Variants in PLCB1 observed in about 807,000 individuals in gnomAD.
PLCB1 encodes the protein 1-phosphatidylinositol 4,5-bisphosphate phosphodiesterase beta-1.
PLCB1 carries 46 observed loss-of-function variants against 161.8 expected under a neutral mutation model. That is an observed-to-expected ratio of 0.28 (90% CI 0.22 to 0.36). PLCB1 has a LOEUF of 0.36. PLCB1 is among the 10% of genes least tolerant of loss of function. The pLI, the probability that PLCB1 is intolerant of heterozygous loss-of-function variation, is 1.00. For synonymous variants in PLCB1, 517 were observed against 503.7 expected, an observed-to-expected ratio of 1.03 and a Z score of -0.35; for missense variants, 1,016 against 1,472.5, an observed-to-expected ratio of 0.69 and a Z score of 5.07.
At chr20:8,505,018 C>T (rs750219603) in intron 3 of PLCB1, among the ~76,000 whole-genome samples, 6 of 152,046 alleles carry the variant, frequency 3.9e-5, no homozygotes, top group Non-Finnish European at 5.9e-5. Context: ...ATCACCAAGC[C>T]GGGCTACTTA....
At chr20:8,667,589 T>A (rs549179651) in intron 9 of PLCB1, among the ~76,000 whole-genome samples, 3 of 152,182 alleles carry the variant, frequency 2.0e-5, no homozygotes, top group Non-Finnish European at 4.4e-5. Flanking sequence ...TTCAGTGACC[T>A]CAGTGTCTGC....
intron 3 of PLCB1, among the ~76,000 whole-genome samples, chr20:8,534,443 A>G (rs757620803): frequency 6.6e-6 from 1 of 152,230 alleles, no homozygotes; most frequent in Non-Finnish European, 1.5e-5. Flanking sequence ...CTCATGGTTT[A>G]GAGCATTGGC....
chr20:8,136,948 A>T (rs1001101884), intron 1 of PLCB1, among the ~76,000 whole-genome samples: 4 of 152,188 alleles, frequency 2.6e-5, no homozygotes, highest in African/African-American at 9.7e-5. Flanking sequence ...ATTTATGTAT[A>T]TATGTGTATA....
chr20:8,776,336 T>C (rs1193050751), intron 27 of PLCB1, among the ~76,000 whole-genome samples: 1 of 152,212 alleles, frequency 6.6e-6, no homozygotes, highest in East Asian at 1.9e-4. Context: ...GATTTGAACC[T>C]TGGTCCTCGG....
intron 23 of PLCB1, among the ~76,000 whole-genome samples, chr20:8,743,529 G>A (rs1037846607): frequency 3.9e-5 from 6 of 152,010 alleles, no homozygotes; most frequent in African/African-American, 9.7e-5. Context: ...GCCACATTTC[G>A]ACTTATCTTC....
chr20:8,648,014 C>A, intron 6 of PLCB1, 61 bp downstream of exon 6: 3 of 1,227,304 alleles, frequency 2.4e-6, no homozygotes, highest in Non-Finnish European at 2.3e-6. Context: ...TGAATCCATG[C>A]CATGGCTCTG....
chr20:8,675,888 A>T (rs949998946), intron 9 of PLCB1, among the ~76,000 whole-genome samples: 1 of 152,248 alleles, frequency 6.6e-6, no homozygotes, highest in Admixed American at 6.5e-5. Context: ...AAAAACCTTA[A>T]AAGTCTCAGA....
At chr20:8,342,890 AGTATTATTCAGCTACAGTAGATGC>A (rs1379045741) in intron 2 of PLCB1, among the ~76,000 whole-genome samples, 1 of 152,210 alleles carries the variant, frequency 6.6e-6, no homozygotes, top group Non-Finnish European at 1.5e-5. Flanking sequence ...CAGAATGAAA[AGTATTATTCAGCTACAGTAGATGC>A]TGGGGGCCCT....
intron 3 of PLCB1, among the ~76,000 whole-genome samples, chr20:8,618,425 G>A (rs1425449259): frequency 2.6e-5 from 4 of 151,978 alleles, no homozygotes; most frequent in African/African-American, 9.7e-5. Flanking sequence ...ACCTTAGGCA[G>A]GCAGAGGTGG....
intron 2 of PLCB1, among the ~76,000 whole-genome samples, chr20:8,285,967 C>G (rs983528825): frequency 1.3e-5 from 2 of 152,242 alleles, no homozygotes; most frequent in East Asian, 3.9e-4. Flanking sequence ...ATACATTAGT[C>G]CTTTCATATA....
At position 8,565,211 on chromosome 20, in the gene PLCB1, G is replaced by A. The variant is rs188713599; in HGVS notation, c.247-63083G>A. Among the ~76,000 whole-genome samples, 322 of 152,088 alleles carry A rather than the reference G, an allele frequency of 2.1e-3. 3 individuals are homozygous for A. The highest frequency in any genetic ancestry group is 7.2e-3 in the African/African-American group (298 of 41,498). ...AGGGACATGGATGAAGCTGGAAGCC[G>A]TCATTCTCAGCAAACTAACACAAGA... On this transcript the variant is annotated intron_variant, in intron 3 of 31. Transcript: ENST00000338037.
chr20:8,190,213 G>A (rs1246018324), intron 2 of PLCB1, among the ~76,000 whole-genome samples: 4 of 152,016 alleles, frequency 2.6e-5, no homozygotes, highest in East Asian at 3.9e-4. Flanking sequence ...TTTTGTTCAT[G>A]GTATACATTC....
At chr20:8,144,063 CTGAT>C (rs1295074211) in intron 1 of PLCB1, among the ~76,000 whole-genome samples, 18 of 152,146 alleles carry the variant, frequency 1.2e-4, no homozygotes, top group African/African-American at 4.3e-4. Flanking sequence ...TTGAGAACCA[CTGAT>C]GAAAATGATA....
At chr20:8,442,431 C>G (rs1273763960) in intron 3 of PLCB1, among the ~76,000 whole-genome samples, 2 of 152,130 alleles carry the variant, frequency 1.3e-5, no homozygotes, top group Admixed American at 1.3e-4. Context: ...AGGCCTTAAT[C>G]TCATCTTTGA....
chr20:8,696,153 T>G (rs558602072), intron 10 of PLCB1, among the ~76,000 whole-genome samples: 3 of 152,238 alleles, frequency 2.0e-5, no homozygotes, highest in Non-Finnish European at 4.4e-5. Flanking sequence ...ATTTGTACAC[T>G]TGATCCAATT....
chr20:8,686,851 G>A (rs186819572), intron 10 of PLCB1, among the ~76,000 whole-genome samples: 5 of 152,230 alleles, frequency 3.3e-5, no homozygotes, highest in East Asian at 3.9e-4. Flanking sequence ...CTATTCTCCA[G>A]TGAGCCCTGG....
chr20:8,834,515 T>TGAGCAGC (rs1189742125), intron 31 of PLCB1, among the ~76,000 whole-genome samples: 1 of 152,070 alleles, frequency 6.6e-6, no homozygotes, highest in Non-Finnish European at 1.5e-5. Flanking sequence ...CAGTTTGAGT[T>TGAGCAGC]CAAAAGCCAC....
In PLCB1 at chr20:8,409,444, T is replaced by TTATTA. The variant is rs34324742; in HGVS notation, c.246+37995_246+37996insATTAT. On this transcript the variant is annotated intron_variant, in intron 3 of 31. Coordinates refer to ENST00000338037, the MANE Select transcript of PLCB1 (RefSeq NM_015192.4). Reference sequence around the variant, plus strand: ...CTGCTCATATGGAATGTATATTATTTTTATTATTATTATTATTATTGTTAT... The same window carrying TTATTA: ...CTGCTCATATGGAATGTATATTATTTTATTATTATTATTATTATTATTATTGTTAT... Among the ~76,000 whole-genome samples the TTATTA allele has an allele frequency of 8.7e-3, 1,279 of 147,322 alleles. 3 individuals are homozygous for TTATTA. Among genetic ancestry groups the TTATTA allele is most frequent in the East Asian group, 0.017 (89 of 5,092 alleles).
At chr20:8,484,362 C>A (rs1982632303) in intron 3 of PLCB1, among the ~76,000 whole-genome samples, 1 of 148,370 alleles carries the variant, frequency 6.7e-6, no homozygotes, top group African/African-American at 2.5e-5. Context: ...GCTTCTTCTT[C>A]TTCTTTTTTT....
Sources: allele counts gnomAD v4.1 joint callset (sites outside exome capture counted in the v4.1 genomes callset), GRCh38; gene constraint gnomAD v4.1.1; transcripts MANE v1.5; gene names NCBI Gene and HGNC (gene_info 2026-07-23, HGNC 2026-07-21).